The following ZNF773 variants were observed in gnomAD, a reference collection of about 807,000 sequenced individuals.
ZNF773 encodes the protein zinc finger protein 419B.
In ZNF773, 11 loss-of-function variants were observed where a neutral mutation model predicts 12.8. The ratio of observed to expected loss-of-function variants is 0.86; its 90% CI spans 0.54 to 1.42. The LOEUF is 1.42. Ranked by LOEUF, ZNF773 falls within the 40% of genes most tolerant of loss-of-function variation. ZNF773 has a pLI of 0.00. For synonymous variants in ZNF773, 175 were observed against 178.4 expected (o/e 0.98, Z 0.15); for missense variants, 518 against 527.2 (o/e 0.98, Z 0.17).
At position 57,507,057 on chromosome 19, in the gene ZNF773, A is replaced by T; in HGVS notation, c.962A>T (p.His321Leu). ...LFSFNSSLMK[H>L]QRVHTGERPY... Reference sequence around the variant, plus strand: ...AGTTTCAACTCCAGCCTCATGAAACATCAGAGAGTTCACACTGGAGAAAGA... The same window carrying T: ...AGTTTCAACTCCAGCCTCATGAAACTTCAGAGAGTTCACACTGGAGAAAGA... The change falls in exon 4 of 4, where the codon CAT (histidine) becomes CTT (leucine). Residue 321 changes from histidine to leucine, a missense_variant. Transcript: ENST00000282292. 2.5e-6 allele frequency: 4 copies of T among 1,614,236 alleles called. No homozygotes were observed. Among genetic ancestry groups the T allele is most frequent in the Non-Finnish European group, 3.4e-6 (4 of 1,180,032 alleles).
chr19:57,508,301 G>A, downstream of ZNF773: 1 of 1,213,828 alleles, frequency 8.2e-7, no homozygotes, highest in Middle Eastern at 3.1e-4. Flanking sequence ...CTGTCTTGGA[G>A]CTCCAGAGAG....
In ZNF773 at chr19:57,507,504, CT is replaced by C. The variant is rs1470719588; in HGVS notation, c.*81del. On this transcript the variant is annotated 3_prime_UTR_variant, in exon 4 of 4. Coordinates refer to ENST00000282292, the MANE Select transcript of ZNF773 (RefSeq NM_198542.3). ...CAGTGTAAAAAAGTCTTGAAGGTTA[CT>C]AATGGAAATCCATTAGCTATACCTC... The C allele has an allele frequency of 2.7e-6, 4 of 1,506,124 alleles. No homozygotes were observed. The East Asian group carries it at 9.2e-5, about 35-fold the overall frequency. The allele number at this position is 1,506,124 out of a possible 1,614,324, so 93.3% of individuals were successfully genotyped here. A position where few individuals can be genotyped will look rare whatever the true frequency, so the allele number is the denominator to read the frequency against.
downstream of ZNF773, among the ~76,000 whole-genome samples, chr19:57,511,378 GA>G (rs2089793955): frequency 6.6e-6 from 1 of 152,102 alleles, no homozygotes; most frequent in Admixed American, 6.6e-5. Context: ...GAATAAATTT[GA>G]AAACCTTTAT....
intron 1 of ZNF773, among the ~76,000 whole-genome samples, chr19:57,500,835 G>A (rs1300473415): frequency 6.6e-6 from 1 of 152,148 alleles, no homozygotes; most frequent in East Asian, 1.9e-4. Context: ...AAGGCCTGGG[G>A]CTCGTATTTA....
chr19:57,508,545 TCTC>T (rs1483884826), downstream of ZNF773: 6 of 701,242 alleles, frequency 8.6e-6, no homozygotes, highest in East Asian at 5.4e-5. Context: ...GGTCGGCAAA[TCTC>T]CTCACTCAGA....
downstream of ZNF773, among the ~76,000 whole-genome samples, chr19:57,512,740 A>G (rs2089805335): frequency 6.6e-6 from 1 of 152,200 alleles, no homozygotes; most frequent in South Asian, 2.1e-4. Flanking sequence ...GTCTGCAGCC[A>G]GATGGAATGC....
chr19:57,514,644 C>A (rs1165201430), downstream of ZNF773: 1 of 152,154 alleles, frequency 6.6e-6, no homozygotes, highest in African/African-American at 2.4e-5. Flanking sequence ...ACAGTGAAAT[C>A]TTTGCAAATT....
At chr19:57,513,325 C>T (rs987192316), downstream of ZNF773, 8 of 316,170 alleles carry the variant, frequency 2.5e-5, no homozygotes, top group South Asian at 1.5e-4. Context: ...GAGGTTATCA[C>T]GCATAACCCA....
intron 1 of ZNF773, among the ~76,000 whole-genome samples, chr19:57,504,375 T>C (rs773832561): frequency 6.6e-6 from 1 of 152,138 alleles, no homozygotes; most frequent in Non-Finnish European, 1.5e-5. Context: ...AATTTGATTG[T>C]ATTTGGGAAA....
rs2089745721 is a variant in ZNF773, at chr19:57,507,027, T to A, written c.932T>A (p.Leu311Ter). The A allele has an allele frequency of 1.2e-6, 2 of 1,614,088 alleles. No individual in the cohort carries two copies. The highest frequency in any genetic ancestry group is 1.3e-5 in the African/African-American group (1 of 75,016). ...RPYECSECGK[L>*]FSFNSSLMKH... ...TATGAGTGCAGTGAATGTGGAAAATTGTTTAGTTTCAACTCCAGCCTCATG... is the reference window on the plus strand; with the variant it reads ...TATGAGTGCAGTGAATGTGGAAAATAGTTTAGTTTCAACTCCAGCCTCATG... Residue 311 changes from leucine to a stop codon, truncating the protein, a stop_gained, in exon 4 of 4, where the codon TTG becomes TAG. Coordinates refer to ENST00000282292, the MANE Select transcript of ZNF773 (RefSeq NM_198542.3). LOFTEE classifies it low-confidence loss of function (END_TRUNC).
In ZNF773 at chr19:57,506,357, G is replaced by A; in HGVS notation, c.263-1G>A. 1 of 1,601,854 alleles carries A rather than the reference G, an allele frequency of 6.2e-7. No individual in the cohort carries two copies. On this transcript the variant is annotated splice_acceptor_variant, in intron 3 of 3. Coordinates refer to ENST00000282292, the MANE Select transcript of ZNF773 (RefSeq NM_198542.3). LOFTEE classifies it high-confidence loss of function. The stretch of plus-strand genomic sequence containing the variant: ...CTTCATCAACATTTCTCTTCTTTCA[G>A]GTAGTTGGCAAGGAGCCAAGGCTGA...
At chr19:57,506,002 C>G (rs998278012) in intron 3 of ZNF773, among the ~76,000 whole-genome samples, 2 of 152,200 alleles carry the variant, frequency 1.3e-5, no homozygotes, top group Non-Finnish European at 2.9e-5. Flanking sequence ...AGGCACCGCG[C>G]CCATCCTGCA....
Position 57,507,705 on chromosome 19 carries a change from G to C in ZNF773, c.*281G>C, listed in dbSNP as rs574462254. On this transcript the variant is annotated 3_prime_UTR_variant, in exon 4 of 4. Coordinates refer to ENST00000282292, the MANE Select transcript of ZNF773 (RefSeq NM_198542.3). ...TAAAGCAGAAACAGCCAGGCGTGGT[G>C]GCTGACACCTGTTATTCTCACCACT... 2.5e-5 allele frequency: 31 copies of C among 1,219,060 alleles called. No homozygotes were observed. The African/African-American group carries it at 3.2e-4, about 13-fold the overall frequency. The allele number at this position is 1,219,060 out of a possible 1,614,324, so 75.5% of individuals were successfully genotyped here.
chr19:57,509,024 C>T (rs1230676257), downstream of ZNF773, among the ~76,000 whole-genome samples: 4 of 152,050 alleles, frequency 2.6e-5, no homozygotes, highest in Admixed American at 2.0e-4. Context: ...AGTCTCTAAC[C>T]CCTGGCCTCA....
At chr19:57,515,051 C>T (rs1037130442), downstream of ZNF773, 8 of 152,182 alleles carry the variant, frequency 5.3e-5, no homozygotes, top group African/African-American at 1.7e-4. Context: ...TCAAGTTTTA[C>T]AGCTCACCGC....
At position 57,505,453 on chromosome 19, in the gene ZNF773, C is replaced by A; in HGVS notation, c.262+53C>A. 7 of 1,597,054 alleles carry A rather than the reference C, an allele frequency of 4.4e-6. No individual in the cohort carries two copies. In the South Asian group the frequency reaches 6.6e-5, roughly 15 times the overall value. ...TATGAACTCGGGTATGGGTTTGTAT[C>A]ATACCAGGAGTCTTTCCAGTGGGCC... On this transcript the variant is annotated intron_variant, in intron 3 of 3. Coordinates refer to ENST00000282292, the MANE Select transcript of ZNF773 (RefSeq NM_198542.3).
At chr19:57,505,017 G>C (rs1284284064) in intron 2 of ZNF773, 8 of 746,154 alleles carry the variant, frequency 1.1e-5, no homozygotes, top group Non-Finnish European at 1.9e-5. Context: ...CTTGCAGTCA[G>C]CTTGATGGAT....
downstream of ZNF773, among the ~76,000 whole-genome samples, chr19:57,509,735 A>C (rs1189005547): frequency 6.6e-6 from 1 of 152,202 alleles, no homozygotes; most frequent in Non-Finnish European, 1.5e-5. Flanking sequence ...CTAGAGTCTC[A>C]TGGAGAATCT....
In ZNF773 at chr19:57,507,253, T is replaced by C; in HGVS notation, c.1158T>C (p.Pro386=). 1.2e-6 allele frequency: 2 copies of C among 1,611,096 alleles called. No individual in the cohort carries two copies. Among genetic ancestry groups the C allele is most frequent in the Non-Finnish European group, 1.7e-6 (2 of 1,177,956 alleles). ...QHRKVHTGEK[P]FKCNECGRFF... is the part of the protein sequence containing the mutation. ...GAAAAGTTCACACTGGAGAAAAACC[T>C]TTTAAGTGCAATGAATGTGGGAGAT... is the stretch of plus-strand genomic sequence containing the variant. Residue 386 remains proline (P), a synonymous_variant, in exon 4 of 4, where the codon CCT becomes CCC. Transcript: ENST00000282292.
Sources: gnomAD v4.1 joint callset for allele counts (sites outside exome capture counted in the v4.1 genomes callset) on GRCh38, gnomAD v4.1.1 for gene constraint, MANE v1.5 for transcripts, NCBI Gene and HGNC (gene_info 2026-07-23, HGNC 2026-07-21) for gene names.